Variants in PDZK1 observed in about 807,000 individuals in gnomAD.
The protein encoded by PDZK1 is PDZ domain containing 1.
A neutral mutation model predicts 38.1 loss-of-function variants in PDZK1; 23 were observed. The observed-to-expected ratio is 0.60, with a 90% CI of 0.43 to 0.85. The LOEUF (loss-of-function observed/expected upper bound fraction) is 0.85. Ranked by LOEUF, PDZK1 falls within the 40% of genes least tolerant of loss-of-function variation. The pLI, the probability that PDZK1 is intolerant of heterozygous loss-of-function variation, is 0.00. For synonymous variants in PDZK1, 98 were observed against 186.2 expected, an observed-to-expected ratio of 0.53 and a Z score of 3.86; for missense variants, 297 against 504.3, an observed-to-expected ratio of 0.59 and a Z score of 3.94.
intron 1 of PDZK1, among the ~76,000 whole-genome samples, chr1:145,698,820 T>C (rs1485043536): frequency 6.6e-6 from 1 of 152,008 alleles, no homozygotes; most frequent in Non-Finnish European, 1.5e-5. Flanking sequence ...TAACCCCATA[T>C]ACTCCGGAGG....
chr1:145,696,249 G>A (rs782455048), intron 1 of PDZK1, among the ~76,000 whole-genome samples: 30 of 152,262 alleles, frequency 2.0e-4, no homozygotes, highest in Non-Finnish European at 3.4e-4. Context: ...CTGCTTCTCC[G>A]CAAGGGCCAG....
chr1:145,694,349 CCAAA>C (rs1655490522), intron 1 of PDZK1, among the ~76,000 whole-genome samples: 2 of 152,304 alleles, frequency 1.3e-5, no homozygotes, highest in Admixed American at 1.3e-4. Context: ...CTTCCCTTTC[CCAAA>C]CAATTAGTTT....
chr1:145,677,423 C>T (rs1218026813), intron 6 of PDZK1, among the ~76,000 whole-genome samples: 2 of 149,628 alleles, frequency 1.3e-5, no homozygotes, highest in Non-Finnish European at 3.0e-5. Flanking sequence ...AGCACATAAA[C>T]GGTTAGGAAC....
chr1:145,687,329 C>T (rs1310946714), intron 2 of PDZK1, among the ~76,000 whole-genome samples: 7 of 149,298 alleles, frequency 4.7e-5, no homozygotes, highest in Non-Finnish European at 8.9e-5. Flanking sequence ...ACCATCCTGG[C>T]TAACACGGTG....
At chr1:145,700,580 CAG>C (rs1655901452) in intron 1 of PDZK1, among the ~76,000 whole-genome samples, 1 of 152,104 alleles carries the variant, frequency 6.6e-6, no homozygotes, top group African/African-American at 2.4e-5. Context: ...GCCAAAAGAT[CAG>C]AGAGAGGGCA....
At position 145,687,979 on chromosome 1, in the gene PDZK1, G is replaced by A. The variant is rs782262184; in HGVS notation, c.43C>T (p.Gln15Ter). The A allele has an allele frequency of 1.1e-5, 18 of 1,612,496 alleles. No homozygotes were observed. The Admixed American group carries it at 2.2e-4, about 20-fold the overall frequency. Residue 15 changes from glutamine to a stop codon, truncating the protein, a stop_gained, in exon 2 of 9, where the codon CAA becomes TAA. Coordinates refer to ENST00000417171, the MANE Select transcript of PDZK1 (RefSeq NM_001201325.2). LOFTEE classifies it high-confidence loss of function. Reference protein sequence around the residue: ...FNPRECKLSKQEGQNYGFFLR... With the variant: ...FNPRECKLSK Reference sequence around the variant, plus strand: ...AAGAAGCCATAGTTTTGCCCTTCTTGCTTGGACAGTTTACATTCTCGGGGG... The same window carrying A: ...AAGAAGCCATAGTTTTGCCCTTCTTACTTGGACAGTTTACATTCTCGGGGG...
At chr1:145,697,763 ATTTTTTTTTTTTTTT>A (rs10564713) in intron 1 of PDZK1, among the ~76,000 whole-genome samples, 20 of 44,980 alleles carry the variant, frequency 4.4e-4, no homozygotes, top group African/African-American at 1.7e-3. Flanking sequence ...TGCCCAGCTA[ATTTTTTTTTTTTTTT>A]TTTTTTTTTT....
At chr1:145,699,544 A>G (rs1655836403) in intron 1 of PDZK1, among the ~76,000 whole-genome samples, 1 of 152,180 alleles carries the variant, frequency 6.6e-6, no homozygotes, top group Non-Finnish European at 1.5e-5. Context: ...TGGGATTGGG[A>G]AGATGAAATG....
chr1:145,684,207 CTTTTTTT>C (rs1162290584), intron 3 of PDZK1, among the ~76,000 whole-genome samples: 2 of 120,094 alleles, frequency 1.7e-5, no homozygotes, highest in Non-Finnish European at 3.5e-5. Flanking sequence ...GCATTTTTGG[CTTTTTTT>C]TTTTTTTTTT....
chr1:145,683,738 G>GT (rs1274600517), intron 3 of PDZK1, among the ~76,000 whole-genome samples: 4 of 151,956 alleles, frequency 2.6e-5, no homozygotes, highest in African/African-American at 9.7e-5. Context: ...ATTAGGCACA[G>GT]TAAGAGATTA....
chr1:145,701,185 A>T (rs1376310856), intron 1 of PDZK1, among the ~76,000 whole-genome samples: 2 of 151,648 alleles, frequency 1.3e-5, no homozygotes, highest in Non-Finnish European at 2.9e-5. Context: ...AACCTGGGCA[A>T]CAGAGCGAGA....
At chr1:145,692,582 A>G (rs1365209136) in intron 1 of PDZK1, among the ~76,000 whole-genome samples, 1 of 151,962 alleles carries the variant, frequency 6.6e-6, no homozygotes, top group Non-Finnish European at 1.5e-5. Flanking sequence ...ATGGTGGTGC[A>G]CACCTGTAAT....
At chr1:145,679,955 T>C (rs1376628380) in intron 5 of PDZK1, among the ~76,000 whole-genome samples, 1 of 152,202 alleles carries the variant, frequency 6.6e-6, no homozygotes, top group African/African-American at 2.4e-5. Flanking sequence ...TTCACATGAT[T>C]CCCACCTTCC....
At chr1:145,676,526 G>A (rs1386994261) in intron 6 of PDZK1, among the ~76,000 whole-genome samples, 1 of 150,502 alleles carries the variant, frequency 6.6e-6, no homozygotes, top group Non-Finnish European at 1.5e-5. Context: ...ACAAGGTCAG[G>A]AGATCGAGAC....
At chr1:145,689,954 C>T (rs1655106800) in intron 1 of PDZK1, among the ~76,000 whole-genome samples, 1 of 152,132 alleles carries the variant, frequency 6.6e-6, no homozygotes, top group African/African-American at 2.4e-5. Flanking sequence ...TGAAGCCCCA[C>T]GCCACCAGTG....
At chr1:145,686,295 C>T (rs1654765235) in intron 3 of PDZK1, among the ~76,000 whole-genome samples, 182 bp downstream of exon 3, 6 of 152,142 alleles carry the variant, frequency 3.9e-5, no homozygotes. Flanking sequence ...CACAACTGTG[C>T]AAGGCAAGGG....
chr1:145,699,324 A>G (rs1655823009), intron 1 of PDZK1, among the ~76,000 whole-genome samples: 1 of 152,150 alleles, frequency 6.6e-6, no homozygotes, highest in African/African-American at 2.4e-5. Flanking sequence ...AGGCTGAGGC[A>G]CAGGAATCGC....
intron 1 of PDZK1, among the ~76,000 whole-genome samples, chr1:145,698,407 A>G (rs1335485927): frequency 1.3e-5 from 2 of 152,236 alleles, no homozygotes; most frequent in Non-Finnish European, 2.9e-5. Flanking sequence ...GGAGCCCCCG[A>G]GCTGGCGGTG....
chr1:145,674,153 A>G, intron 6 of PDZK1: 2 of 984,858 alleles, frequency 2.0e-6, no homozygotes, highest in Non-Finnish European at 2.4e-6. Flanking sequence ...ATCCCAAAAG[A>G]AGTCTAAAAA....
Sources: gnomAD v4.1 joint callset for allele counts (sites outside exome capture counted in the v4.1 genomes callset) on GRCh38, gnomAD v4.1.1 for gene constraint, MANE v1.5 for transcripts, NCBI Gene and HGNC (gene_info 2026-07-23, HGNC 2026-07-21) for gene names.